The following FBN2 variants were observed in gnomAD, a reference collection of about 807,000 sequenced individuals.
FBN2 encodes fibrillin-2.
A neutral mutation model predicts 355.6 loss-of-function variants in FBN2; 105 were observed. The ratio of observed to expected loss-of-function variants is 0.30; its 90% CI spans 0.25 to 0.35. The LOEUF is 0.35. FBN2 is among the 10% of genes least tolerant of loss of function. The pLI is 1.00. For missense variants in FBN2, 3,280 were observed against 3,758.7 expected (o/e 0.87, Z 3.33); for synonymous variants, 1,350 against 1,301.2 (o/e 1.04, Z -0.81).
In FBN2 at chr5:128,314,284, G is replaced by A. The variant is rs78099523; in HGVS notation, c.4718-1489C>T. Among the ~76,000 whole-genome samples the A allele has an allele frequency of 1.1e-3, 167 of 152,234 alleles. 3 individuals are homozygous for A. The East Asian group carries it at 0.029, about 27-fold the overall frequency. ...GAATCTCAGATCTCAGAGGCTGCAA[G>A]ATTCTCATGGTCCCCCTTCTAATTA... On this transcript the variant is annotated intron_variant, in intron 36 of 64. Coordinates refer to ENST00000262464, the MANE Select transcript of FBN2 (RefSeq NM_001999.4).
chr5:128,398,323 T>C (rs900622317), intron 8 of FBN2, among the ~76,000 whole-genome samples: 7 of 151,598 alleles, frequency 4.6e-5, no homozygotes, highest in East Asian at 1.9e-4. Context: ...ATTTTTGATA[T>C]TGAAATGGTC....
intron 20 of FBN2, among the ~76,000 whole-genome samples, chr5:128,357,039 C>A (rs1214751720): frequency 6.6e-6 from 1 of 152,080 alleles, no homozygotes; most frequent in East Asian, 1.9e-4. Flanking sequence ...TAAGTTATAG[C>A]ATAATATATC....
intron 7 of FBN2, among the ~76,000 whole-genome samples, chr5:128,441,241 G>A (rs190424127): frequency 5.9e-5 from 9 of 152,214 alleles, no homozygotes; most frequent in African/African-American, 1.7e-4. Context: ...TCTGGCCAGG[G>A]TACTACCACA....
At chr5:128,419,695 AT>A (rs950822195) in intron 7 of FBN2, among the ~76,000 whole-genome samples, 28 of 151,830 alleles carry the variant, frequency 1.8e-4, no homozygotes, top group Non-Finnish European at 3.5e-4. Context: ...CTGATGTATA[AT>A]TTTTTTTGTT....
At chr5:128,267,472 C>T (rs933222717) in intron 62 of FBN2, among the ~76,000 whole-genome samples, 8 of 152,172 alleles carry the variant, frequency 5.3e-5, no homozygotes, top group South Asian at 2.1e-4. Context: ...TCCACAGTCT[C>T]ACCAGCATCT....
rs1217333609 is a variant in FBN2 at position 128,274,149 on chromosome 5, T to C, written c.7712-181A>G. Among the ~76,000 whole-genome samples, 5 of 152,282 alleles carry C rather than the reference T, an allele frequency of 3.3e-5. No individual in the cohort carries two copies. In the South Asian group the frequency reaches 1.0e-3, roughly 32 times the overall value. On this transcript the variant is annotated intron_variant, in intron 60 of 64. Transcript: ENST00000262464. ...GACAAAAGTGGTAAGAAAAAGTGTA[T>C]TTTAAGAGGTTTGAGATTTGAGCAT...
At chr5:128,369,121 A>G in intron 16 of FBN2, 61 bp downstream of exon 16, 2 of 1,548,650 alleles carry the variant, frequency 1.3e-6, no homozygotes, top group Non-Finnish European at 1.8e-6. Flanking sequence ...CTCTTTGGCC[A>G]AACATCTAAG....
At chr5:128,363,230 A>C (rs905535325) in intron 18 of FBN2, among the ~76,000 whole-genome samples, 18 of 151,226 alleles carry the variant, frequency 1.2e-4, no homozygotes, top group Non-Finnish European at 2.2e-4. Flanking sequence ...TCGGTCTGTC[A>C]CCACGGCTGG....
intron 5 of FBN2, among the ~76,000 whole-genome samples, chr5:128,470,853 C>G (rs188809634): frequency 3.3e-5 from 5 of 151,978 alleles, no homozygotes; most frequent in Admixed American, 6.5e-5. Context: ...CCCTGCATAA[C>G]TTAGAAGCTT....
intron 5 of FBN2, among the ~76,000 whole-genome samples, chr5:128,510,406 A>G (rs1357505536): frequency 6.6e-6 from 1 of 152,344 alleles, no homozygotes; most frequent in East Asian, 1.9e-4. Flanking sequence ...AAACCCTTTC[A>G]GGCAGCAAGC....
chr5:128,276,181 G>C, intron 58 of FBN2, 21 bp from the exon 59 acceptor site: 1 of 1,612,048 alleles, frequency 6.2e-7, no homozygotes. Flanking sequence ...GTGATGTGAA[G>C]ATTAAATTAC....
chr5:128,372,329 G>A (rs1751965185), intron 15 of FBN2, among the ~76,000 whole-genome samples: 1 of 152,156 alleles, frequency 6.6e-6, no homozygotes, highest in African/African-American at 2.4e-5. Context: ...TTGCTTGTGA[G>A]TTGTATTTCA....
intron 36 of FBN2, among the ~76,000 whole-genome samples, chr5:128,313,129 T>C (rs1301926937): frequency 6.6e-6 from 1 of 152,238 alleles, no homozygotes; most frequent in African/African-American, 2.4e-5. Flanking sequence ...ATAATTAATC[T>C]ATATCACGAG....
intron 48 of FBN2, among the ~76,000 whole-genome samples, chr5:128,295,043 T>C (rs1262112472): frequency 6.6e-6 from 1 of 151,478 alleles, no homozygotes; most frequent in Admixed American, 6.6e-5. Context: ...TAGTTTCAGC[T>C]TTCTACATAT....
At chr5:128,328,599 A>G (rs1750615186) in intron 34 of FBN2, 97 bp downstream of exon 34, 3 of 1,297,002 alleles carry the variant, frequency 2.3e-6, no homozygotes, top group East Asian at 2.4e-5. Context: ...TGTGCTATGT[A>G]TTCTGCTTCC....
chr5:128,304,864 G>T, intron 45 of FBN2, 93 bp downstream of exon 45: 1 of 1,477,086 alleles, frequency 6.8e-7, no homozygotes, highest in Non-Finnish European at 9.5e-7. Context: ...TTCTGACAGA[G>T]ACATAGTAGT....
At chr5:128,499,424 G>A (rs572573975) in intron 5 of FBN2, among the ~76,000 whole-genome samples, 10 of 151,990 alleles carry the variant, frequency 6.6e-5, no homozygotes, top group East Asian at 1.9e-4. Flanking sequence ...ATTACTTCGC[G>A]GGCTTTAAAA....
chr5:128,286,711 C>G lies in FBN2; in HGVS notation c.7012+7G>C, dbSNP rs199735209. ...TACATAAGCAGACACCTTCCCTTACCGCTTACCTACACAGCCTTCTCCATC... is the reference window on the plus strand; with the variant it reads ...TACATAAGCAGACACCTTCCCTTACGGCTTACCTACACAGCCTTCTCCATC... On this transcript the variant is annotated splice_region_variant and intron_variant, in intron 55 of 64. Transcript: ENST00000262464. 4.3e-6 allele frequency: 7 copies of G among 1,613,882 alleles called. No individual in the cohort carries two copies. The highest frequency in any genetic ancestry group is 5.9e-6 in the Non-Finnish European group (7 of 1,179,822).
chr5:128,423,639 T>C (rs796361298), intron 7 of FBN2, among the ~76,000 whole-genome samples: 26 of 152,216 alleles, frequency 1.7e-4, no homozygotes, highest in African/African-American at 6.3e-4. Flanking sequence ...ACTAAATAAA[T>C]CTACCTGTGT....
Sources: gnomAD v4.1 joint callset for allele counts (sites outside exome capture counted in the v4.1 genomes callset) on GRCh38, gnomAD v4.1.1 for gene constraint, MANE v1.5 for transcripts, NCBI Gene and HGNC (gene_info 2026-07-23, HGNC 2026-07-21) for gene names.